PCDH11X: variants seen among roughly 807,000 people sequenced by gnomAD.
The protein encoded by PCDH11X is protocadherin-11 X-linked.
PCDH11X carries 18 observed loss-of-function variants against 53.3 expected under a neutral mutation model. The observed-to-expected ratio is 0.34, with a 90% CI of 0.23 to 0.50. The LOEUF (loss-of-function observed/expected upper bound fraction) is 0.50, where lower values mean the gene tolerates loss of function less well. Among genes scored for constraint, PCDH11X ranks in the 20% least tolerant of loss-of-function variants. The probability of loss-of-function intolerance (pLI) is 0.98; values close to 1 mark genes in which losing one functional copy is unlikely to be tolerated. For missense variants in PCDH11X, 570 were observed against 1,032.4 expected (o/e 0.55, Z 6.14); for synonymous variants, 279 against 393.3 (o/e 0.71, Z 3.44).
rs111318809 is a variant in PCDH11X at position 92,012,578 on chromosome X, A to G, written c.3033+133305A>G. Among the ~76,000 whole-genome samples the G allele has an allele frequency of 6.9e-3, 768 of 111,999 alleles. 4 individuals carry two copies. Among genetic ancestry groups the G allele is most frequent in the African/African-American group, 0.023 (725 of 30,921 alleles). ...TATACAAATATAAATATATTTGAAC[A>G]GATCTAAGTACAATCAGTGTTAAAC... On this transcript the variant is annotated intron_variant, in intron 6 of 10. Transcript: ENST00000682573.
chrX:92,591,920 A>T (rs1355776121), intron 10 of PCDH11X, among the ~76,000 whole-genome samples: 1 of 109,455 alleles, frequency 9.1e-6, no homozygotes, highest in Non-Finnish European at 1.9e-5. Flanking sequence ...CTTTCTGGAA[A>T]CACCTTTTGC....
intron 8 of PCDH11X, among the ~76,000 whole-genome samples, chrX:92,334,896 TA>T (rs2069581201): frequency 9.1e-6 from 1 of 110,094 alleles, no homozygotes; most frequent in Non-Finnish European, 1.9e-5. Flanking sequence ...CTGTTTATGT[TA>T]TCGGTAAGGC....
intron 10 of PCDH11X, among the ~76,000 whole-genome samples, chrX:92,533,648 T>A (rs1569501556): frequency 9.6e-6 from 1 of 104,128 alleles, no homozygotes; most frequent in African/African-American, 3.5e-5. Flanking sequence ...TTTGCTAATT[T>A]GCTCTCTCAA....
At chrX:91,842,456 C>T (rs1372436555) in intron 5 of PCDH11X, among the ~76,000 whole-genome samples, 1 of 106,519 alleles carries the variant, frequency 9.4e-6, no homozygotes, top group Non-Finnish European at 1.9e-5. Flanking sequence ...GTGTTTTATC[C>T]ATAAAATGTT....
intron 6 of PCDH11X, among the ~76,000 whole-genome samples, chrX:92,183,009 A>G (rs775707913): frequency 9.0e-6 from 1 of 111,251 alleles, no homozygotes; most frequent in East Asian, 2.9e-4. Context: ...GTTGCCCCTG[A>G]AAAGACTGTG....
At chrX:92,318,478 T>A (rs991665673) in intron 8 of PCDH11X, among the ~76,000 whole-genome samples, 1 of 111,483 alleles carries the variant, frequency 9.0e-6, no homozygotes, top group Non-Finnish European at 1.9e-5. Flanking sequence ...CTCAGACTTT[T>A]TTTTTGAAAT....
intron 7 of PCDH11X, among the ~76,000 whole-genome samples, chrX:92,213,354 A>G (rs1324989704): frequency 8.9e-6 from 1 of 111,786 alleles, no homozygotes; most frequent in African/African-American, 3.3e-5. Context: ...CAATTTATTC[A>G]GTCCTTATAG....
chrX:91,900,249 A>G (rs1253674345), intron 6 of PCDH11X, among the ~76,000 whole-genome samples: 2 of 110,785 alleles, frequency 1.8e-5, no homozygotes, highest in Admixed American at 1.9e-4. Context: ...CAGAGTGGCC[A>G]GGTAGCAATC....
chrX:92,394,324 G>A (rs1249575408), intron 9 of PCDH11X, among the ~76,000 whole-genome samples: 2 of 110,853 alleles, frequency 1.8e-5, no homozygotes, highest in African/African-American at 6.5e-5. Context: ...GCCACTATAA[G>A]TAAAGCAATC....
intron 6 of PCDH11X, among the ~76,000 whole-genome samples, chrX:92,082,844 T>C (rs1014164755): frequency 7.3e-5 from 8 of 109,083 alleles, no homozygotes; most frequent in African/African-American, 2.3e-4. Context: ...TTCCAACTGT[T>C]GCTTCATTCA....
chrX:92,189,488 A>G (rs2066155960), intron 6 of PCDH11X, among the ~76,000 whole-genome samples: 1 of 111,393 alleles, frequency 9.0e-6, no homozygotes, highest in African/African-American at 3.3e-5. Context: ...GGCTGATTCC[A>G]TGTCTTTGCT....
At chrX:92,315,630 G>A (rs2069058098) in intron 8 of PCDH11X, among the ~76,000 whole-genome samples, 1 of 110,167 alleles carries the variant, frequency 9.1e-6, no homozygotes, top group African/African-American at 3.3e-5. Flanking sequence ...TTGATCTCCT[G>A]TGCTCAAACG....
intron 6 of PCDH11X, among the ~76,000 whole-genome samples, chrX:91,946,291 A>T (rs1456027065): frequency 9.4e-6 from 1 of 106,858 alleles, no homozygotes. Context: ...GCCTTTTCAC[A>T]CTCCTATTAT....
chrX:92,041,019 TGTGA>T (rs745693147), intron 6 of PCDH11X, among the ~76,000 whole-genome samples: 19 of 108,147 alleles, frequency 1.8e-4, no homozygotes, highest in African/African-American at 6.0e-4. Context: ...ATGGGATACT[TGTGA>T]GTATTTGTCA....
chrX:91,882,824 T>G (rs893545841), intron 6 of PCDH11X: 5 of 1,144,304 alleles, frequency 4.4e-6, no homozygotes, highest in African/African-American at 1.8e-5. Flanking sequence ...AATGCAAATT[T>G]TAACCATGAA....
intron 5 of PCDH11X, among the ~76,000 whole-genome samples, chrX:91,855,562 G>C (rs769308862): frequency 9.2e-6 from 1 of 108,827 alleles, no homozygotes; most frequent in African/African-American, 3.5e-5. Flanking sequence ...TATTGGGATT[G>C]CATTGAACCT....
intron 6 of PCDH11X, among the ~76,000 whole-genome samples, chrX:91,913,673 C>G (rs1682340019): frequency 9.0e-6 from 1 of 111,532 alleles, no homozygotes; most frequent in Non-Finnish European, 1.9e-5. Flanking sequence ...TTTATGGCCC[C>G]ACCCAACACC....
At chrX:92,614,763 G>A (rs1430012949) in intron 10 of PCDH11X, among the ~76,000 whole-genome samples, 3 of 110,552 alleles carry the variant, frequency 2.7e-5, no homozygotes, top group Non-Finnish European at 1.9e-5. Flanking sequence ...CATGGAGCTG[G>A]GAAACCTCCT....
rs1460978015 is a variant in PCDH11X, at chrX:91,983,246, A to G, written c.3033+103973A>G. ...CAGTCCACGTGCAAGCTGATCTTCCACAGTCATCTCGGTGCCTAGTGTATT... is the reference window on the plus strand; with the variant it reads ...CAGTCCACGTGCAAGCTGATCTTCCGCAGTCATCTCGGTGCCTAGTGTATT... On this transcript the variant is annotated intron_variant, in intron 6 of 10. Transcript: ENST00000682573. The G allele has an allele frequency of 2.4e-5, 20 of 843,152 alleles. No individual in the cohort carries two copies. The East Asian group carries it at 6.3e-4, about 26-fold the overall frequency. The allele number at this position is 843,152 out of a possible 1,213,427, so 69.5% of individuals were successfully genotyped here.
Sources: allele counts gnomAD v4.1 joint callset (sites outside exome capture counted in the v4.1 genomes callset), GRCh38; gene constraint gnomAD v4.1.1; transcripts MANE v1.5; gene names NCBI Gene and HGNC (gene_info 2026-07-23, HGNC 2026-07-21).